Variants in KCNMB2 observed in about 807,000 individuals in gnomAD.
The protein encoded by KCNMB2 is calcium-activated potassium channel subunit beta-2.
Under a neutral mutation model 24.5 loss-of-function variants are expected in KCNMB2, and 9 were observed. That is an observed-to-expected ratio of 0.37 (90% confidence interval 0.22 to 0.64). The LOEUF (loss-of-function observed/expected upper bound fraction) is 0.64. Among genes scored for constraint, KCNMB2 ranks in the 30% least tolerant of loss-of-function variants. The pLI, the probability that KCNMB2 is intolerant of heterozygous loss-of-function variation, is 0.63. For synonymous variants in KCNMB2, 109 were observed against 104.4 expected (o/e 1.04, Z -0.27); for missense variants, 226 against 284.3 (o/e 0.79, Z 1.47).
chr3:178,568,831 T>TA (rs1491104471), intron 1 of KCNMB2, among the ~76,000 whole-genome samples: 2,512 of 115,856 alleles, frequency 0.022, 152 homozygotes, highest in East Asian at 0.035. Flanking sequence ...GATAGATAGA[T>TA]GATAGATAGA....
intron 1 of KCNMB2, among the ~76,000 whole-genome samples, chr3:178,804,595 CAG>C (rs1400271101): frequency 6.6e-6 from 1 of 152,124 alleles, no homozygotes; most frequent in African/African-American, 2.4e-5. Flanking sequence ...CATCTTGAAA[CAG>C]AGCAAAGATA....
chr3:178,807,545 A>G, intron 2 of KCNMB2, 80 bp downstream of exon 2: 1 of 1,192,064 alleles, frequency 8.4e-7, no homozygotes, highest in Non-Finnish European at 1.3e-6. Flanking sequence ...GGAAAGTAGT[A>G]GGCAACTGAG....
intron 1 of KCNMB2, among the ~76,000 whole-genome samples, chr3:178,742,323 C>T (rs75726336): frequency 6.6e-6 from 1 of 152,174 alleles, no homozygotes; most frequent in Non-Finnish European, 1.5e-5. Context: ...CACCTGCACA[C>T]CTATGTCTTT....
At chr3:178,623,972 T>C (rs1040476639) in intron 1 of KCNMB2, among the ~76,000 whole-genome samples, 1 of 152,166 alleles carries the variant, frequency 6.6e-6, no homozygotes, top group South Asian at 2.1e-4. Context: ...TTAAGGACAA[T>C]AGCATCACAG....
At chr3:178,655,829 A>G (rs1560151218) in intron 1 of KCNMB2, among the ~76,000 whole-genome samples, 1 of 152,226 alleles carries the variant, frequency 6.6e-6, no homozygotes, top group Admixed American at 6.5e-5. Flanking sequence ...TTCATATAAA[A>G]GTAGGAGCTT....
At chr3:178,715,932 T>C (rs140065861) in intron 1 of KCNMB2, among the ~76,000 whole-genome samples, 3 of 152,276 alleles carry the variant, frequency 2.0e-5, no homozygotes, top group African/African-American at 2.4e-5. Flanking sequence ...ACAGCACTGA[T>C]TGAGATCTGG....
At chr3:178,609,160 C>G (rs895125408) in intron 1 of KCNMB2, among the ~76,000 whole-genome samples, 4 of 152,124 alleles carry the variant, frequency 2.6e-5, no homozygotes, top group African/African-American at 9.7e-5. Flanking sequence ...TTTGTTATTG[C>G]CTGTTTTTTG....
intron 4 of KCNMB2, among the ~76,000 whole-genome samples, chr3:178,839,445 AG>A (rs1177105234): frequency 2.0e-5 from 3 of 152,154 alleles, no homozygotes; most frequent in African/African-American, 7.2e-5. Flanking sequence ...GGTTGAGGGA[AG>A]GGCAAGGAAG....
chr3:178,751,267 C>A lies in KCNMB2; in HGVS notation c.-67-56076C>A, dbSNP rs1484793370. Among the ~76,000 whole-genome samples, 4 of 152,174 alleles carry A rather than the reference C, an allele frequency of 2.6e-5. No individual in the cohort carries two copies. In the East Asian group the frequency reaches 7.7e-4, roughly 29 times the overall value. ...TCAGAGACAAATAGATAATAATAATCTTTTAAATCCTTCAAAATTAAAAGC... is the reference window on the plus strand; with the variant it reads ...TCAGAGACAAATAGATAATAATAATATTTTAAATCCTTCAAAATTAAAAGC... On this transcript the variant is annotated intron_variant, in intron 1 of 4. Coordinates refer to ENST00000452583, the MANE Select transcript of KCNMB2 (RefSeq NM_181361.3).
intron 1 of KCNMB2, among the ~76,000 whole-genome samples, chr3:178,586,237 C>T (rs986315732): frequency 2.5e-4 from 38 of 152,044 alleles, no homozygotes; most frequent in African/African-American, 9.2e-4. Context: ...TTGACTTTCC[C>T]TTGACCTAAG....
At position 178,670,699 on chromosome 3, in the gene KCNMB2, G is replaced by A. The variant is rs144445616; in HGVS notation, c.-68+133988G>A. Among the ~76,000 whole-genome samples the A allele has an allele frequency of 5.3e-3, 806 of 152,212 alleles. 12 individuals are homozygous for A. The highest frequency in any genetic ancestry group is 0.035 in the South Asian group (170 of 4,818). ...AGTTTTGAATCCGGGCTTTGAACCA[G>A]GTCATCTGACTGCTGGTCAAAAGTC... On this transcript the variant is annotated intron_variant, in intron 1 of 4. Transcript: ENST00000452583.
intron 1 of KCNMB2, among the ~76,000 whole-genome samples, chr3:178,645,120 G>A (rs1056874990): frequency 1.4e-5 from 2 of 144,944 alleles, no homozygotes; most frequent in South Asian, 2.2e-4. Context: ...GCGCAATCTC[G>A]GCTCACAACA....
intron 1 of KCNMB2, among the ~76,000 whole-genome samples, chr3:178,655,656 A>G (rs1462704008): frequency 2.0e-5 from 3 of 152,198 alleles, no homozygotes; most frequent in East Asian, 3.9e-4. Flanking sequence ...AAAGGGCGAC[A>G]GTGCTGTGGT....
chr3:178,810,270 G>A (rs1714134128), intron 2 of KCNMB2, among the ~76,000 whole-genome samples: 1 of 152,140 alleles, frequency 6.6e-6, no homozygotes, highest in African/African-American at 2.4e-5. Context: ...TGGTAATTCA[G>A]TTTCTTCTTG....
chr3:178,606,531 G>A (rs1295916859), intron 1 of KCNMB2, among the ~76,000 whole-genome samples: 1 of 143,570 alleles, frequency 7.0e-6, no homozygotes, highest in Non-Finnish European at 1.5e-5. Flanking sequence ...TTTGAATTTT[G>A]GAAGTACATA....
rs554693343 is a variant in KCNMB2, at chr3:178,622,816, C to T, written c.-68+86105C>T. On this transcript the variant is annotated intron_variant, in intron 1 of 4. Coordinates refer to ENST00000452583, the MANE Select transcript of KCNMB2 (RefSeq NM_181361.3). ...CATCACAAACCAAGTCTGACACAAA[C>T]GTAGGATCCTTTAATTGGACCATAA... 7.9e-5 allele frequency among the ~76,000 whole-genome samples: 12 copies of T among 152,260 alleles called. No individual in the cohort carries two copies. In the South Asian group the frequency reaches 1.4e-3, roughly 18 times the overall value.
At chr3:178,805,932 C>T (rs1020757635) in intron 1 of KCNMB2, among the ~76,000 whole-genome samples, 14 of 152,160 alleles carry the variant, frequency 9.2e-5, no homozygotes, top group African/African-American at 3.4e-4. Flanking sequence ...GCCACCACAA[C>T]TGGCCCAAAT....
At chr3:178,795,729 C>G (rs1418995439) in intron 1 of KCNMB2, among the ~76,000 whole-genome samples, 1 of 152,060 alleles carries the variant, frequency 6.6e-6, no homozygotes, top group Non-Finnish European at 1.5e-5. Context: ...AGAACTGTAG[C>G]CTAAGATTGC....
intron 1 of KCNMB2, among the ~76,000 whole-genome samples, chr3:178,538,937 T>TA (rs1286765509): frequency 6.6e-6 from 1 of 152,148 alleles, no homozygotes. Context: ...CTACATCTAG[T>TA]AATAAAAAAC....
Sources: gnomAD v4.1 joint callset for allele counts (sites outside exome capture counted in the v4.1 genomes callset) on GRCh38, gnomAD v4.1.1 for gene constraint, MANE v1.5 for transcripts, NCBI Gene and HGNC (gene_info 2026-07-23, HGNC 2026-07-21) for gene names.